The following GLRA1 variants were observed in gnomAD, a reference collection of about 807,000 sequenced individuals.
GLRA1 encodes glycine receptor subunit alpha-1.
A neutral mutation model predicts 48.3 loss-of-function variants in GLRA1; 37 were observed. That is an observed-to-expected ratio of 0.77 (90% CI 0.59 to 1.01). The LOEUF is 1.01. Ranked by LOEUF, GLRA1 falls within the 50% of genes least tolerant of loss-of-function variation. The pLI, the probability that GLRA1 is intolerant of heterozygous loss-of-function variation, is 0.00. For missense variants in GLRA1, 427 were observed against 571.0 expected (o/e 0.75, Z 2.57); for synonymous variants, 196 against 210.7 (o/e 0.93, Z 0.60).
At chr5:151,848,794 G>A (rs1352684253) in intron 7 of GLRA1, 4 of 386,218 alleles carry the variant, frequency 1.0e-5, no homozygotes, top group African/African-American at 8.3e-5. Context: ...GCAGCACGGC[G>A]GTCTCCTCTC....
chr5:151,872,940 T>G (rs530285822), intron 3 of GLRA1, among the ~76,000 whole-genome samples: 2 of 149,652 alleles, frequency 1.3e-5, no homozygotes, highest in South Asian at 4.2e-4. Context: ...CCTAAATGTA[T>G]GAACAATCAA....
chr5:151,832,225 A>T (rs970790950), intron 7 of GLRA1, among the ~76,000 whole-genome samples: 1 of 152,214 alleles, frequency 6.6e-6, no homozygotes, highest in African/African-American at 2.4e-5. Context: ...AAATTCCAAA[A>T]ACCAGAATGC....
At chr5:151,848,922 T>C in intron 7 of GLRA1, 1 of 701,504 alleles carries the variant, frequency 1.4e-6, no homozygotes, top group South Asian at 1.4e-5. Flanking sequence ...AACAAAGGTA[T>C]TAAGCAGGTG....
At chr5:151,913,855 T>C (rs1026655927) in intron 1 of GLRA1, among the ~76,000 whole-genome samples, 4 of 152,304 alleles carry the variant, frequency 2.6e-5, no homozygotes, top group African/African-American at 9.6e-5. Context: ...GAAGGTTACA[T>C]GGGTTAAGTT....
In GLRA1 at chr5:151,874,765, A is replaced by G. The variant is rs1581635875; in HGVS notation, c.252+11956T>C. 2.6e-5 allele frequency among the ~76,000 whole-genome samples: 4 copies of G among 152,140 alleles called. No individual in the cohort carries two copies. In the South Asian group the frequency reaches 6.2e-4, roughly 24 times the overall value. ...GAAGCAATGTCTGAGCTGAGACCTG[A>G]AGGGTGAGAAGGAGCCAGGCATGCA... On this transcript the variant is annotated intron_variant, in intron 3 of 8. Coordinates refer to ENST00000274576, the MANE Select transcript of GLRA1 (RefSeq NM_000171.4).
chr5:151,841,194 G>T (rs1415716605), intron 7 of GLRA1, among the ~76,000 whole-genome samples: 2 of 151,908 alleles, frequency 1.3e-5, no homozygotes, highest in African/African-American at 4.8e-5. Context: ...GATTTCAATG[G>T]AATATTAAAA....
chr5:151,909,333 C>T (rs1048062196), intron 1 of GLRA1, among the ~76,000 whole-genome samples: 7 of 152,246 alleles, frequency 4.6e-5, no homozygotes, highest in Admixed American at 4.6e-4. Flanking sequence ...CCAAAGGCAC[C>T]ATCTTTTCTC....
intron 6 of GLRA1, among the ~76,000 whole-genome samples, chr5:151,854,734 G>C (rs995855594): frequency 1.3e-5 from 2 of 152,180 alleles, no homozygotes; most frequent in African/African-American, 4.8e-5. Context: ...CTGTGACAGA[G>C]ACTACTAGGT....
intron 1 of GLRA1, among the ~76,000 whole-genome samples, chr5:151,899,763 A>T (rs1754318171): frequency 6.6e-6 from 1 of 152,054 alleles, no homozygotes; most frequent in Non-Finnish European, 1.5e-5. Context: ...TCACTTCATG[A>T]TCTGCTAAGC....
chr5:151,918,092 A>T (rs895803719), intron 1 of GLRA1, among the ~76,000 whole-genome samples: 38 of 152,170 alleles, frequency 2.5e-4, no homozygotes, highest in African/African-American at 9.2e-4. Context: ...AACTTTAGAA[A>T]ATCACAAAGG....
chr5:151,857,095 GC>G (rs1376656387), intron 4 of GLRA1, among the ~76,000 whole-genome samples: 7 of 152,164 alleles, frequency 4.6e-5, no homozygotes, highest in Non-Finnish European at 1.0e-4. Flanking sequence ...CACCAGCTGG[GC>G]CCAGGCCTGA....
chr5:151,868,410 A>G (rs943372323), intron 3 of GLRA1, among the ~76,000 whole-genome samples: 9 of 152,206 alleles, frequency 5.9e-5, no homozygotes, highest in African/African-American at 2.2e-4. Flanking sequence ...TTTTATCTTC[A>G]CAATAACCCT....
chr5:151,875,576 C>A (rs1023918866), intron 3 of GLRA1: 1 of 152,148 alleles, frequency 6.6e-6, no homozygotes, highest in Non-Finnish European at 1.5e-5. Flanking sequence ...GTTCTTGTGA[C>A]ACAAGTTCTT....
intron 1 of GLRA1, among the ~76,000 whole-genome samples, chr5:151,923,596 A>G (rs1466063456): frequency 1.3e-5 from 2 of 152,242 alleles, no homozygotes; most frequent in African/African-American, 2.4e-5. Context: ...AGGACTATCT[A>G]TTTCAATGCT....
At chr5:151,851,176 T>G (rs574982738) in intron 7 of GLRA1, among the ~76,000 whole-genome samples, 97 of 152,332 alleles carry the variant, frequency 6.4e-4, no homozygotes, top group African/African-American at 2.2e-3. Flanking sequence ...ATGTGGTGTC[T>G]GGCAACTCGT....
intron 7 of GLRA1, chr5:151,850,061 C>T: frequency 6.2e-7 from 1 of 1,603,986 alleles, no homozygotes; most frequent in Non-Finnish European, 8.5e-7. Context: ...AACCAGCACC[C>T]TGGTTTGGCA....
intron 3 of GLRA1, among the ~76,000 whole-genome samples, chr5:151,885,167 A>T (rs1229696161): frequency 6.6e-6 from 1 of 152,230 alleles, no homozygotes; most frequent in South Asian, 2.1e-4. Context: ...GAAAGGTTGG[A>T]TGTAATCTCC....
intron 3 of GLRA1, among the ~76,000 whole-genome samples, chr5:151,883,690 C>T (rs1023310612): frequency 9.2e-5 from 14 of 152,232 alleles, no homozygotes; most frequent in Non-Finnish European, 1.6e-4. Flanking sequence ...AGGCACTGTG[C>T]TTTGCACTTT....
intron 3 of GLRA1, among the ~76,000 whole-genome samples, chr5:151,880,390 A>G (rs886257117): frequency 2.6e-5 from 4 of 152,216 alleles, no homozygotes; most frequent in Admixed American, 6.5e-5. Context: ...CTCCTGGTTC[A>G]GATCTCTGTC....
Sources: allele counts gnomAD v4.1 joint callset (sites outside exome capture counted in the v4.1 genomes callset), GRCh38; gene constraint gnomAD v4.1.1; transcripts MANE v1.5; gene names NCBI Gene and HGNC (gene_info 2026-07-23, HGNC 2026-07-21).